The following C1orf94 variants were observed in gnomAD, a reference collection of about 807,000 sequenced individuals.
C1orf94 encodes the protein chromosome 1 open reading frame 94.
Under a neutral mutation model 53.6 loss-of-function variants are expected in C1orf94, and 45 were observed. That is an observed-to-expected ratio of 0.84 (90% CI 0.66 to 1.08). The LOEUF is 1.08. Ranked by LOEUF, C1orf94 falls within the 50% of genes least tolerant of loss-of-function variation. The pLI, the probability that C1orf94 is intolerant of heterozygous loss-of-function variation, is 0.00. For missense variants in C1orf94, 762 were observed against 738.9 expected, an observed-to-expected ratio of 1.03 and a Z score of -0.36; for synonymous variants, 304 against 296.1, an observed-to-expected ratio of 1.03 and a Z score of -0.27.
chr1:34,200,933 G>A lies in C1orf94; in HGVS notation c.1171G>A (p.Glu391Lys), dbSNP rs751789307. The A allele has an allele frequency of 2.0e-5, 33 of 1,614,008 alleles. No homozygotes were observed. Among genetic ancestry groups the A allele is most frequent in the East Asian group, 2.2e-5 (1 of 44,882 alleles). Residue 391 changes from glutamate (E) to lysine (K), a missense_variant, in exon 3 of 7, where the codon GAG becomes AAG. Glu to Lys is a moderately conservative substitution (Grantham distance 56). Coordinates refer to ENST00000488417, the MANE Select transcript of C1orf94 (RefSeq NM_001134734.2). ...GCCCAAGAAACCTACATGTCCAGCC[G>A]AGAAGAACTTGCTCTATGAGTTCCT... is the stretch of plus-strand genomic sequence containing the variant. The part of the protein sequence containing the change: ...LPPKKPTCPA[E>K]KNLLYEFLGA...
intron 1 of C1orf94, 46 bp downstream of exon 1, chr1:34,178,155 A>G (rs1642258861): frequency 1.3e-6 from 2 of 1,518,792 alleles, no homozygotes; most frequent in Admixed American, 4.1e-5. Context: ...GAGGGAGGAG[A>G]TGAAGTCTGA....
upstream of C1orf94, among the ~76,000 whole-genome samples, chr1:34,174,601 C>T (rs1287659512): frequency 6.6e-6 from 1 of 152,046 alleles, no homozygotes; most frequent in Non-Finnish European, 1.5e-5. Flanking sequence ...AGGACAGGGA[C>T]ACATATACAG....
Position 34,197,788 on chromosome 1 carries a change from G to T in C1orf94, c.884G>T (p.Arg295Leu). 1 of 1,614,160 alleles carries T rather than the reference G, an allele frequency of 6.2e-7. No homozygotes were observed. The highest frequency in any genetic ancestry group is 1.3e-5 in the African/African-American group (1 of 75,056). ...GLSPFLLLPP[R>L]PPPARPDKLP... The stretch of plus-strand genomic sequence containing the variant: ...AGCCCATTTCTGCTGCTGCCTCCCC[G>T]ACCTCCTCCTGCACGTCCTGACAAG... The change falls in exon 2 of 7, where the codon CGA becomes CTA. Residue 295 changes from arginine to leucine, a missense_variant. Transcript: ENST00000488417. The surrounding 1 kb of genome is among the most constrained non-coding windows in gnomAD (Gnocchi z 4.1).
chr1:34,188,399 A>G (rs1450068696), intron 1 of C1orf94, among the ~76,000 whole-genome samples: 1 of 152,224 alleles, frequency 6.6e-6, no homozygotes, highest in Non-Finnish European at 1.5e-5. Flanking sequence ...TTTGGTAAGA[A>G]ATTAGATGAA....
intron 6 of C1orf94, among the ~76,000 whole-genome samples, chr1:34,212,985 C>T (rs1642920725): frequency 6.6e-6 from 1 of 152,206 alleles, no homozygotes; most frequent in Non-Finnish European, 1.5e-5. Context: ...AGCACAAACT[C>T]AACATTCTGG....
chr1:34,214,377 G>T (rs1413588539), intron 6 of C1orf94, among the ~76,000 whole-genome samples: 1 of 152,218 alleles, frequency 6.6e-6, no homozygotes, highest in African/African-American at 2.4e-5. Flanking sequence ...GCTAGGCCTG[G>T]GGATCCAGGG....
chr1:34,217,875 T>C (rs1012785280), intron 6 of C1orf94, among the ~76,000 whole-genome samples: 2 of 152,242 alleles, frequency 1.3e-5, no homozygotes, highest in Non-Finnish European at 2.9e-5. Flanking sequence ...ATTTGCTCTA[T>C]TGTAATTTGT....
chr1:34,205,428 C>T (rs1005470977), intron 4 of C1orf94, among the ~76,000 whole-genome samples: 3 of 152,206 alleles, frequency 2.0e-5, no homozygotes, highest in African/African-American at 7.2e-5. Flanking sequence ...GTTTTGAAAC[C>T]AGTAGACTTG....
chr1:34,197,905 A>G lies in C1orf94; in HGVS notation c.1001A>G (p.His334Arg), dbSNP rs1316213907. 2 of 1,612,500 alleles carry G rather than the reference A, an allele frequency of 1.2e-6. No homozygotes were observed. The highest frequency in any genetic ancestry group is 1.7e-6 in the Non-Finnish European group (2 of 1,179,066). Residue 334 changes from histidine (H) to arginine (R), a missense_variant, in exon 2 of 7, where the codon CAC becomes CGC. Physicochemically the swap from His to Arg is conservative, Grantham distance 29. Transcript: ENST00000488417. This position sits in a 1 kb window ranked among gnomAD's most constrained non-coding sequence, Gnocchi z 4.1. ...PKADPAVERH[H>R]LMEWSPGTKE... ...GCTGACCCTGCTGTGGAGAGGCACCACTTGATGGGTGAGTGGGGTTGGAAC... is the reference window on the plus strand; with the variant it reads ...GCTGACCCTGCTGTGGAGAGGCACCGCTTGATGGGTGAGTGGGGTTGGAAC...
intron 1 of C1orf94, among the ~76,000 whole-genome samples, chr1:34,183,745 A>C (rs189700377): frequency 2.2e-3 from 331 of 152,154 alleles, no homozygotes; most frequent in Admixed American, 3.8e-3. Context: ...AATCCCAGCT[A>C]CTCAGGAGGC....
intron 4 of C1orf94, among the ~76,000 whole-genome samples, chr1:34,206,927 G>A (rs530414727): frequency 6.6e-6 from 1 of 152,320 alleles, no homozygotes; most frequent in South Asian, 2.1e-4. Context: ...CAGAGAGCAA[G>A]GAGGGGCTCT....
chr1:34,204,509 G>T (rs1642762987), intron 4 of C1orf94, among the ~76,000 whole-genome samples: 1 of 152,066 alleles, frequency 6.6e-6, no homozygotes, highest in Non-Finnish European at 1.5e-5. Context: ...GTAGTCTATT[G>T]TCCTTACACA....
chr1:34,212,348 C>T lies in C1orf94; in HGVS notation c.1663C>T (p.Arg555Ter), dbSNP rs187026027. 115 of 1,613,932 alleles carry T rather than the reference C, an allele frequency of 7.1e-5. 1 individual carries two copies. The highest frequency in any genetic ancestry group is 5.8e-4 in the East Asian group (26 of 44,842). ...ACCTCCAAAGATGTCTGCCAACCCC[C>T]GAGACCCTCCCCTAATGGCAGGAGA... ...RTPPKMSANP[R>*]DPPLMAGDGP... is the part of the protein sequence containing the mutation. Residue 555 changes from arginine to a stop codon, truncating the protein, a stop_gained, in exon 6 of 7, where the codon CGA (arginine) becomes TGA (stop). Coordinates refer to ENST00000488417, the MANE Select transcript of C1orf94 (RefSeq NM_001134734.2). LOFTEE classifies it high-confidence loss of function.
chr1:34,195,922 C>T (rs1343897239), intron 1 of C1orf94, among the ~76,000 whole-genome samples: 5 of 152,166 alleles, frequency 3.3e-5, no homozygotes, highest in African/African-American at 9.7e-5. Flanking sequence ...AGAGCTGGAA[C>T]CTGTGCTGGA....
chr1:34,178,876 G>A (rs980313969), intron 1 of C1orf94, among the ~76,000 whole-genome samples: 5 of 152,260 alleles, frequency 3.3e-5, no homozygotes, highest in African/African-American at 1.2e-4. Context: ...TTCACGTTTT[G>A]CATCTTCAAA....
At chr1:34,174,454 A>G (rs759655486), upstream of C1orf94, among the ~76,000 whole-genome samples, 1 of 152,232 alleles carries the variant, frequency 6.6e-6, no homozygotes, top group African/African-American at 2.4e-5. Context: ...ATATGCTGCA[A>G]TCCTAAACCA....
chr1:34,199,837 G>A (rs1322493957), intron 2 of C1orf94, among the ~76,000 whole-genome samples: 1 of 152,192 alleles, frequency 6.6e-6, no homozygotes, highest in Non-Finnish European at 1.5e-5. Context: ...GATGCTTCCA[G>A]GCCTTTGCCC....
chr1:34,195,742 G>A (rs1205661022), intron 1 of C1orf94, among the ~76,000 whole-genome samples: 9 of 151,890 alleles, frequency 5.9e-5, no homozygotes, highest in Admixed American at 3.3e-4. Flanking sequence ...TGTGTATGGT[G>A]ACATGTGAAT....
chr1:34,173,926 T>C (rs1642184280), upstream of C1orf94, among the ~76,000 whole-genome samples: 1 of 152,246 alleles, frequency 6.6e-6, no homozygotes, highest in African/African-American at 2.4e-5. Flanking sequence ...CATAGATACA[T>C]GTGTTGGAGG....
Sources: allele counts gnomAD v4.1 joint callset (sites outside exome capture counted in the v4.1 genomes callset), GRCh38; gene constraint gnomAD v4.1.1; non-coding constraint Gnocchi (gnomAD v3.1); transcripts MANE v1.5; gene names NCBI Gene and HGNC (gene_info 2026-07-23, HGNC 2026-07-21).